RNF220: variants seen among roughly 807,000 people sequenced by gnomAD.
RNF220 encodes the protein E3 ubiquitin-protein ligase RNF220.
A neutral mutation model predicts 67.1 loss-of-function variants in RNF220; 7 were observed. That is an observed-to-expected ratio of 0.10 (90% confidence interval 0.06 to 0.20). The LOEUF is 0.20. RNF220 is among the 10% of genes least tolerant of loss of function. The pLI is 1.00. For missense variants in RNF220, 565 were observed against 740.3 expected (o/e 0.76, Z 2.75); for synonymous variants, 270 against 283.2 (o/e 0.95, Z 0.47).
rs1032988465 is a variant in RNF220, at chr1:44,627,702, G to A, written c.906+1304G>A. 9.8e-5 allele frequency among the ~76,000 whole-genome samples: 15 copies of A among 152,344 alleles called. No homozygotes were observed. The East Asian group carries it at 2.9e-3, about 29-fold the overall frequency. ...GTCCAAATGGCAACAGGGCTTCGCA[G>A]GGAGGCCCAGTGTGAGAAGGGAAGA... On this transcript the variant is annotated intron_variant, in intron 5 of 14. Coordinates refer to ENST00000361799, the MANE Select transcript of RNF220 (RefSeq NM_018150.4).
chr1:44,552,663 C>T (rs1023025630), intron 2 of RNF220, among the ~76,000 whole-genome samples: 3 of 147,218 alleles, frequency 2.0e-5, no homozygotes, highest in South Asian at 2.2e-4. Flanking sequence ...CTCCGCCTCC[C>T]GGGTTCACGC....
chr1:44,622,863 A>C lies in RNF220; in HGVS notation c.804+76A>C. The C allele has an allele frequency of 7.7e-7, 1 of 1,293,830 alleles. No individual in the cohort carries two copies. The highest frequency in any genetic ancestry group is 1.1e-6 in the Non-Finnish European group (1 of 895,210). The allele number at this position is 1,293,830 out of a possible 1,614,324, so 80.1% of individuals were successfully genotyped here. A position where few individuals can be genotyped will look rare whatever the true frequency, so the allele number is the denominator to read the frequency against. On this transcript the variant is annotated intron_variant, in intron 4 of 14. Transcript: ENST00000361799. The surrounding 1 kb of genome is among the most constrained non-coding windows in gnomAD (Gnocchi z 4.3). ...CCCAGAACTGGTTCCTCCTGAGAAA[A>C]AGGAGCTTTTCTAGTATCCTCAACT...
chr1:44,493,617 C>T (rs1211512063), intron 2 of RNF220, among the ~76,000 whole-genome samples: 1 of 151,928 alleles, frequency 6.6e-6, no homozygotes, highest in Non-Finnish European at 1.5e-5. Context: ...TTCTAAAATC[C>T]CAGATCCAAA....
At chr1:44,439,460 AT>A (rs940881639) in intron 2 of RNF220, among the ~76,000 whole-genome samples, 8 of 146,640 alleles carry the variant, frequency 5.5e-5, no homozygotes, top group East Asian at 2.1e-4. Context: ...TATTTGTTGC[AT>A]TTTTTTTCAG....
intron 2 of RNF220, among the ~76,000 whole-genome samples, chr1:44,596,575 A>T (rs985559477): frequency 1.3e-5 from 2 of 151,904 alleles, no homozygotes; most frequent in Non-Finnish European, 2.9e-5. Flanking sequence ...AAAAAAAAAT[A>T]GTACAGTGCT....
intron 2 of RNF220, among the ~76,000 whole-genome samples, chr1:44,527,332 T>C (rs923265812): frequency 6.6e-6 from 1 of 152,002 alleles, no homozygotes; most frequent in African/African-American, 2.4e-5. Context: ...CCTTTTTCTT[T>C]CCCCGTTATC....
intron 2 of RNF220, among the ~76,000 whole-genome samples, chr1:44,529,062 A>G (rs986511974): frequency 1.3e-5 from 2 of 152,228 alleles, no homozygotes; most frequent in Admixed American, 1.3e-4. Context: ...TAAAATATTC[A>G]TATCCTTTAT....
At chr1:44,581,212 G>A (rs374619598) in intron 2 of RNF220, among the ~76,000 whole-genome samples, 3 of 152,196 alleles carry the variant, frequency 2.0e-5, no homozygotes, top group Non-Finnish European at 2.9e-5. Context: ...TTGGAAAAAC[G>A]ATTTTAATAC....
At chr1:44,559,324 G>T (rs997272349) in intron 2 of RNF220, among the ~76,000 whole-genome samples, 2 of 152,228 alleles carry the variant, frequency 1.3e-5, no homozygotes, top group African/African-American at 4.8e-5. Context: ...AGCAGGGCAG[G>T]TGCTGACAGG....
chr1:44,492,823 T>C (rs1455842329), intron 2 of RNF220, among the ~76,000 whole-genome samples: 1 of 152,206 alleles, frequency 6.6e-6, no homozygotes, highest in Non-Finnish European at 1.5e-5. Context: ...GAAAATGCTC[T>C]AAAAGCCATT....
intron 2 of RNF220, among the ~76,000 whole-genome samples, chr1:44,520,757 T>C (rs977767463): frequency 2.6e-5 from 4 of 152,270 alleles, no homozygotes; most frequent in African/African-American, 9.6e-5. Context: ...AACTAGATTA[T>C]ATACTCCTTG....
At chr1:44,534,975 G>C (rs990549566) in intron 2 of RNF220, among the ~76,000 whole-genome samples, 5 of 152,126 alleles carry the variant, frequency 3.3e-5, no homozygotes, top group African/African-American at 9.7e-5. Context: ...GGGAGCTATT[G>C]AGTTGTCCAG....
intron 2 of RNF220, among the ~76,000 whole-genome samples, chr1:44,485,349 A>T (rs1408742813): frequency 6.6e-6 from 1 of 152,176 alleles, no homozygotes; most frequent in African/African-American, 2.4e-5. Context: ...AATAACAAAA[A>T]CAAATGGGAG....
At chr1:44,625,980 C>G (rs1643927798) in intron 4 of RNF220, among the ~76,000 whole-genome samples, 1 of 152,126 alleles carries the variant, frequency 6.6e-6, no homozygotes, top group Admixed American at 6.5e-5. Context: ...AGAGTCTCTG[C>G]TCTCCAAGGG....
At chr1:44,584,325 C>T (rs895036069) in intron 2 of RNF220, among the ~76,000 whole-genome samples, 9 of 152,208 alleles carry the variant, frequency 5.9e-5, no homozygotes, top group South Asian at 2.1e-4. Flanking sequence ...CCCTAGCAGC[C>T]GCTAGGAAGG....
chr1:44,438,265 C>T (rs1207824434), intron 2 of RNF220, among the ~76,000 whole-genome samples: 1 of 151,890 alleles, frequency 6.6e-6, no homozygotes, highest in Admixed American at 6.6e-5. Flanking sequence ...GGACTACAGG[C>T]ACACACCCTT....
intron 2 of RNF220, among the ~76,000 whole-genome samples, chr1:44,562,506 C>T (rs1663653849): frequency 6.6e-6 from 1 of 152,194 alleles, no homozygotes; most frequent in Non-Finnish European, 1.5e-5. Context: ...AGGTACGTCT[C>T]CCTGTCACTT....
chr1:44,639,878 C>T (rs1427913647), intron 8 of RNF220, among the ~76,000 whole-genome samples: 2 of 152,248 alleles, frequency 1.3e-5, no homozygotes, highest in African/African-American at 4.8e-5. Flanking sequence ...CAACCTCCAC[C>T]TCCTGGGTTC....
chr1:44,464,361 A>G (rs1654073890), intron 2 of RNF220, among the ~76,000 whole-genome samples: 1 of 152,228 alleles, frequency 6.6e-6, no homozygotes, highest in South Asian at 2.1e-4. Context: ...TCATGGTGAG[A>G]GGCAGAAGCC....
Sources: allele counts gnomAD v4.1 joint callset (sites outside exome capture counted in the v4.1 genomes callset), GRCh38; gene constraint gnomAD v4.1.1; non-coding constraint Gnocchi (gnomAD v3.1); transcripts MANE v1.5; gene names NCBI Gene and HGNC (gene_info 2026-07-23, HGNC 2026-07-21).